The following DOCK2 variants were observed in gnomAD, a reference collection of about 807,000 sequenced individuals.
DOCK2 encodes dedicator of cytokinesis protein 2.
A neutral mutation model predicts 248.9 loss-of-function variants in DOCK2; 87 were observed. The ratio of observed to expected loss-of-function variants is 0.35; its 90% confidence interval spans 0.29 to 0.42. The LOEUF is 0.42. Among genes scored for constraint, DOCK2 ranks in the 10% least tolerant of loss-of-function variants. DOCK2 has a pLI of 1.00. For synonymous variants in DOCK2, 805 were observed against 821.6 expected (o/e 0.98, Z 0.35); for missense variants, 1,747 against 2,300.2 (o/e 0.76, Z 4.92).
At position 169,883,728 on chromosome 5, in the gene DOCK2, T is replaced by G. The variant is rs544181902; in HGVS notation, c.2799+42876T>G. The stretch of plus-strand genomic sequence containing the variant: ...CCATCACAGCCGGGTCTTCTGGAGT[T>G]TGGACGTCAACCTCAGCTAGGCCAG... On this transcript the variant is annotated intron_variant, in intron 27 of 51. Coordinates refer to ENST00000520908, the MANE Select transcript of DOCK2 (RefSeq NM_004946.3). 6.4e-6 allele frequency: 10 copies of G among 1,551,448 alleles called. No homozygotes were observed. In the Middle Eastern group the frequency reaches 1.2e-3, roughly 181 times the overall value.
chr5:169,926,215 C>T (rs1775445849), intron 27 of DOCK2, among the ~76,000 whole-genome samples: 2 of 152,170 alleles, frequency 1.3e-5, no homozygotes, highest in African/African-American at 4.8e-5. Flanking sequence ...CAGTGCCTGA[C>T]TTGGGGACCA....
chr5:170,031,136 G>T (rs140225714), intron 34 of DOCK2, among the ~76,000 whole-genome samples: 1 of 152,224 alleles, frequency 6.6e-6, no homozygotes, highest in African/African-American at 2.4e-5. Flanking sequence ...AAGACACACC[G>T]CTGCCTTTCT....
chr5:170,030,260 C>T (rs1484001876), intron 34 of DOCK2, among the ~76,000 whole-genome samples: 1 of 152,108 alleles, frequency 6.6e-6, no homozygotes, highest in Non-Finnish European at 1.5e-5. Flanking sequence ...AAATTAAAGA[C>T]AGCTCATTAT....
At chr5:169,781,503 G>A (rs1434382804) in intron 25 of DOCK2, among the ~76,000 whole-genome samples, 1 of 152,180 alleles carries the variant, frequency 6.6e-6, no homozygotes, top group Non-Finnish European at 1.5e-5. Flanking sequence ...AGTCTCTGTT[G>A]CCAGGACAGC....
chr5:170,018,272 C>T (rs750357606), intron 32 of DOCK2, among the ~76,000 whole-genome samples: 5 of 152,072 alleles, frequency 3.3e-5, no homozygotes, highest in Non-Finnish European at 7.3e-5. Flanking sequence ...GGTTAGGGAG[C>T]AGACAGGGAA....
intron 36 of DOCK2, among the ~76,000 whole-genome samples, chr5:170,039,855 C>G (rs1756455466): frequency 6.6e-6 from 1 of 152,212 alleles, no homozygotes; most frequent in Non-Finnish European, 1.5e-5. Context: ...CCTGCCTCTC[C>G]TCTCACATGA....
chr5:169,936,578 CTTTTTTT>C (rs4041977), intron 27 of DOCK2, among the ~76,000 whole-genome samples: 1 of 122,832 alleles, frequency 8.1e-6, no homozygotes, highest in Non-Finnish European at 1.7e-5. Context: ...TCTCAGACTC[CTTTTTTT>C]TTTTTTTTTT....
rs565480965 is a variant in DOCK2 at position 169,716,385 on chromosome 5, C to T, written c.2031+83C>T. The T allele has an allele frequency of 2.6e-5, 34 of 1,296,872 alleles. No individual in the cohort carries two copies. In the African/African-American group the frequency reaches 4.1e-4, roughly 16 times the overall value. The allele number at this position is 1,296,872 out of a possible 1,614,324, so 80.3% of individuals were successfully genotyped here. A position where few individuals can be genotyped will look rare whatever the true frequency, so the allele number is the denominator to read the frequency against. On this transcript the variant is annotated intron_variant, in intron 20 of 51. Transcript: ENST00000520908. Reference sequence around the variant, plus strand: ...GAAAATACTGAGAACTCATGGCCCTCATGGCCCTCATGGCCTTTTTCATGA... The same window carrying T: ...GAAAATACTGAGAACTCATGGCCCTTATGGCCCTCATGGCCTTTTTCATGA...
intron 27 of DOCK2, among the ~76,000 whole-genome samples, chr5:169,897,205 A>G (rs1260025331): frequency 6.6e-6 from 1 of 151,912 alleles, no homozygotes; most frequent in East Asian, 1.9e-4. Flanking sequence ...TTTTTTTTTG[A>G]GACAGAGTCT....
chr5:170,026,513 C>A (rs1054662688), intron 33 of DOCK2, among the ~76,000 whole-genome samples: 1 of 152,148 alleles, frequency 6.6e-6, no homozygotes, highest in Non-Finnish European at 1.5e-5. Flanking sequence ...TCTTGGTGAC[C>A]TTTGCGAAGC....
At chr5:170,049,789 A>G (rs1267365032) in intron 40 of DOCK2, among the ~76,000 whole-genome samples, 1 of 152,234 alleles carries the variant, frequency 6.6e-6, no homozygotes, top group Admixed American at 6.5e-5. Context: ...GATCTATAAA[A>G]GACTAACATG....
intron 26 of DOCK2, among the ~76,000 whole-genome samples, chr5:169,826,469 G>A (rs1768867377): frequency 1.3e-5 from 2 of 152,122 alleles, no homozygotes; most frequent in African/African-American, 4.8e-5. Flanking sequence ...TGGGAGAAAT[G>A]AAACCTCTCC....
At chr5:169,677,261 A>G (rs1039466471) in intron 6 of DOCK2, among the ~76,000 whole-genome samples, 3 of 152,226 alleles carry the variant, frequency 2.0e-5, no homozygotes, top group Non-Finnish European at 4.4e-5. Context: ...TATCAGGCAA[A>G]TTATCAGACC....
intron 27 of DOCK2, among the ~76,000 whole-genome samples, chr5:169,955,436 C>T (rs917144542): frequency 6.6e-6 from 1 of 152,058 alleles, no homozygotes; most frequent in Non-Finnish European, 1.5e-5. Flanking sequence ...GAGGATGCGC[C>T]CCTGGACAGT....
At chr5:169,813,032 G>A (rs547956012) in intron 26 of DOCK2, among the ~76,000 whole-genome samples, 3 of 152,346 alleles carry the variant, frequency 2.0e-5, no homozygotes, top group South Asian at 2.1e-4. Context: ...TTCCTGGAGC[G>A]ACTGGAGAAA....
chr5:169,766,389 A>G (rs1764792403), intron 25 of DOCK2, among the ~76,000 whole-genome samples: 1 of 152,192 alleles, frequency 6.6e-6, no homozygotes, highest in African/African-American at 2.4e-5. Context: ...GTGCTCTGCA[A>G]AAGTATGTGA....
chr5:169,905,562 G>A (rs1300338517), intron 27 of DOCK2, among the ~76,000 whole-genome samples: 1 of 152,186 alleles, frequency 6.6e-6, no homozygotes, highest in Non-Finnish European at 1.5e-5. Flanking sequence ...ACCTCTCTGA[G>A]GGTAATGTCA....
Position 169,698,527 on chromosome 5 carries a change from CCAGTTCCCTGAGTTAGTGATAGG to C in DOCK2, c.1055+82_1055+104del, listed in dbSNP as rs1760768049. On this transcript the variant is annotated intron_variant, in intron 11 of 51. Coordinates refer to ENST00000520908, the MANE Select transcript of DOCK2 (RefSeq NM_004946.3). ...AAGGGCTGCTGGAGCTCAGAGGGTA[CCAGTTCCCTGAGTTAGTGATAGG>C]CAGGTGGAGCCTCCCAAGGGAAGCT... The C allele has an allele frequency of 1.2e-5, 18 of 1,506,284 alleles. No individual in the cohort carries two copies. The South Asian group carries it at 1.8e-4, about 15-fold the overall frequency. The allele number at this position is 1,506,284 out of a possible 1,614,324, so 93.3% of individuals were successfully genotyped here. A position where few individuals can be genotyped will look rare whatever the true frequency, so the allele number is the denominator to read the frequency against.
chr5:169,748,771 A>G (rs1281960223), intron 23 of DOCK2, among the ~76,000 whole-genome samples: 3 of 152,246 alleles, frequency 2.0e-5, no homozygotes, highest in Non-Finnish European at 4.4e-5. Context: ...CTGTTTTATG[A>G]TGAGATAGAG....
Sources: gnomAD v4.1 joint callset for allele counts (sites outside exome capture counted in the v4.1 genomes callset) on GRCh38, gnomAD v4.1.1 for gene constraint, MANE v1.5 for transcripts, NCBI Gene and HGNC (gene_info 2026-07-23, HGNC 2026-07-21) for gene names.